TRAPPC8: variants seen among roughly 807,000 people sequenced by gnomAD.
TRAPPC8 encodes trafficking protein particle complex subunit 8.
A neutral mutation model predicts 174.3 loss-of-function variants in TRAPPC8; 54 were observed. That is an observed-to-expected ratio of 0.31 (90% confidence interval 0.25 to 0.39). TRAPPC8 has a LOEUF of 0.39. Ranked by LOEUF, TRAPPC8 falls within the 10% of genes least tolerant of loss-of-function variation. The pLI, the probability that TRAPPC8 is intolerant of heterozygous loss-of-function variation, is 1.00. For synonymous variants in TRAPPC8, 630 were observed against 579.9 expected (o/e 1.09, Z -1.24); for missense variants, 1,531 against 1,699.1 (o/e 0.90, Z 1.74).
At chr18:31,859,409 G>C (rs947688952) in intron 19 of TRAPPC8, among the ~76,000 whole-genome samples, 2 of 152,154 alleles carry the variant, frequency 1.3e-5, no homozygotes, top group Non-Finnish European at 2.9e-5. Context: ...AAATAAGCTA[G>C]ACATAGCATT....
intron 12 of TRAPPC8, among the ~76,000 whole-genome samples, chr18:31,881,186 C>G (rs1322487914): frequency 1.3e-5 from 2 of 151,776 alleles, no homozygotes; most frequent in African/African-American, 4.8e-5. Context: ...GAGTAGCCAA[C>G]AAAGTCCTAA....
chr18:31,851,031 AT>A (rs748692231), intron 24 of TRAPPC8, among the ~76,000 whole-genome samples: 10 of 152,352 alleles, frequency 6.6e-5, no homozygotes, highest in African/African-American at 9.6e-5. Context: ...ATATTTCTAA[AT>A]AGCTGTTTCC....
chr18:31,857,828 A>G lies in TRAPPC8; in HGVS notation c.2900T>C (p.Leu967Pro), dbSNP rs1449929122. 3 of 1,614,224 alleles carry G rather than the reference A, an allele frequency of 1.9e-6. No homozygotes were observed. Among genetic ancestry groups the G allele is most frequent in the East Asian group, 2.2e-5 (1 of 44,878 alleles). Residue 967 changes from leucine to proline, a missense_variant, in exon 20 of 29, where the codon CTA becomes CCA. Transcript: ENST00000283351. ...FFTFGGNTAVLTPLSPSASEN... is the reference protein window; with the variant it reads ...FFTFGGNTAVPTPLSPSASEN... Reference sequence around the variant, plus strand: ...AGAAGCTGAGGGACTTAGTGGTGTTAGAACAGCAGTATTACCACCGAAAGT... The same window carrying G: ...AGAAGCTGAGGGACTTAGTGGTGTTGGAACAGCAGTATTACCACCGAAAGT...
intron 18 of TRAPPC8, 146 bp from the exon 19 acceptor site, chr18:31,864,927 T>A: frequency 1.3e-6 from 1 of 754,050 alleles, no homozygotes; most frequent in Non-Finnish European, 2.1e-6. Flanking sequence ...TCAAAGAATT[T>A]AGTATATTTT....
chr18:31,930,803 G>A (rs895302485), intron 2 of TRAPPC8, among the ~76,000 whole-genome samples: 6 of 151,554 alleles, frequency 4.0e-5, no homozygotes, highest in Non-Finnish European at 7.4e-5. Flanking sequence ...AACACAGGAG[G>A]ATCACTTGAG....
chr18:31,928,290 G>T (rs964617193), intron 2 of TRAPPC8, among the ~76,000 whole-genome samples: 1 of 151,856 alleles, frequency 6.6e-6, no homozygotes. Context: ...CTTGAGGCCA[G>T]AAGTTCAACA....
intron 2 of TRAPPC8, among the ~76,000 whole-genome samples, chr18:31,930,994 A>C (rs1055365594): frequency 6.6e-6 from 1 of 152,210 alleles, no homozygotes; most frequent in Non-Finnish European, 1.5e-5. Flanking sequence ...CGCATTTTAT[A>C]AACATTTCCT....
At chr18:31,934,409 T>C (rs942710268) in intron 1 of TRAPPC8, among the ~76,000 whole-genome samples, 1 of 152,122 alleles carries the variant, frequency 6.6e-6, no homozygotes, top group Non-Finnish European at 1.5e-5. Flanking sequence ...ATTATCTGCA[T>C]TCTTCTATAA....
intron 5 of TRAPPC8, among the ~76,000 whole-genome samples, chr18:31,912,055 C>G (rs1305754853): frequency 6.6e-6 from 1 of 151,946 alleles, no homozygotes; most frequent in Non-Finnish European, 1.5e-5. Flanking sequence ...TATTCTAGAA[C>G]TCGAGGTTAA....
intron 1 of TRAPPC8, 25 bp from the exon 2 acceptor site, chr18:31,931,548 T>G (rs779398849): frequency 6.5e-7 from 1 of 1,527,176 alleles, no homozygotes; most frequent in Non-Finnish European, 8.8e-7. Flanking sequence ...AGAAAAAAAC[T>G]TGAAATTAAT....
intron 11 of TRAPPC8, among the ~76,000 whole-genome samples, chr18:31,892,840 C>T (rs2036013083): frequency 6.6e-6 from 1 of 151,696 alleles, no homozygotes; most frequent in East Asian, 2.0e-4. Flanking sequence ...GCCTGGGCAA[C>T]AAAAAGAGAC....
At chr18:31,848,601 C>CA (rs1040092167) in intron 25 of TRAPPC8, among the ~76,000 whole-genome samples, 1 of 151,876 alleles carries the variant, frequency 6.6e-6, no homozygotes, top group Non-Finnish European at 1.5e-5. Context: ...AGCTTGGTTT[C>CA]AAAAAAATGT....
In TRAPPC8 at chr18:31,855,837, T is replaced by C. The variant is rs779012548; in HGVS notation, c.3189-30A>G. 3 of 1,517,494 alleles carry C rather than the reference T, an allele frequency of 2.0e-6. No homozygotes were observed. The African/African-American group carries it at 4.5e-5, about 23-fold the overall frequency. 94.0% of individuals were successfully genotyped at this position (1,517,494 alleles called of 1,614,324 possible). ...AGTTAAAAAAAAAAAAAAAAGCACA[T>C]TTAAGCACAGAGTCTCTATGTTATA... On this transcript the variant is annotated intron_variant, in intron 20 of 28. Transcript: ENST00000283351.
rs1188057936 is a variant in TRAPPC8 at position 31,942,920 on chromosome 18, C to G, written c.-156G>C. 3.2e-6 allele frequency: 4 copies of G among 1,236,018 alleles called. No homozygotes were observed. The highest frequency in any genetic ancestry group is 3.1e-4 in the Middle Eastern group (1 of 3,238). The allele number at this position is 1,236,018 out of a possible 1,614,324, so 76.6% of individuals were successfully genotyped here. ...TAGAAACAAGAAGGAACAGACGCCGCCGCTTCGGTTTCTGGGGCACAATCC... is the reference window on the plus strand; with the variant it reads ...TAGAAACAAGAAGGAACAGACGCCGGCGCTTCGGTTTCTGGGGCACAATCC... On this transcript the variant is annotated 5_prime_UTR_variant, in exon 1 of 29. Transcript: ENST00000283351.
intron 5 of TRAPPC8, 100 bp from the exon 6 acceptor site, chr18:31,909,860 GC>G (rs1281468541): frequency 2.5e-5 from 19 of 769,678 alleles, no homozygotes; most frequent in Non-Finnish European, 3.6e-5. Flanking sequence ...CTAACTGTTG[GC>G]CTCATTTATT....
At chr18:31,872,809 A>G (rs1475638511) in intron 14 of TRAPPC8, among the ~76,000 whole-genome samples, 1 of 152,136 alleles carries the variant, frequency 6.6e-6, no homozygotes, top group Non-Finnish European at 1.5e-5. Context: ...ACTGAATAGA[A>G]TATTTTACTA....
Position 31,852,335 on chromosome 18 carries a change from T to TC in TRAPPC8, c.3561+110dup, listed in dbSNP as rs527743480. 581 of 1,186,710 alleles carry TC rather than the reference T, an allele frequency of 4.9e-4. 3 individuals are homozygous for TC. Among genetic ancestry groups the TC allele is most frequent in the African/African-American group, 4.7e-3 (308 of 64,920 alleles). The allele number at this position is 1,186,710 out of a possible 1,614,324, so 73.5% of individuals were successfully genotyped here. ...CTGGGAGACAGAGCAAGACCTTGTC[T>TC]CCCCCCCAAAAAAAAGCGTTTGGGA... On this transcript the variant is annotated intron_variant, in intron 24 of 28. Transcript: ENST00000283351.
In TRAPPC8 at chr18:31,908,777, T is replaced by C. The variant is rs1332880947; in HGVS notation, c.1099A>G (p.Thr367Ala). The C allele has an allele frequency of 1.4e-5, 23 of 1,605,134 alleles. No homozygotes were observed. Among genetic ancestry groups the C allele is most frequent in the East Asian group, 2.2e-5 (1 of 44,680 alleles). ...FRGLLPHIEK[T>A]IRQLNDQLIS... ...ACCTGATCGTTTAATTGCCTAATTG[T>C]TTTCTCTATATGTGGCAAAAGGCCC... Residue 367 changes from threonine to alanine, a missense_variant, in exon 7 of 29, where the codon ACA becomes GCA. Thr to Ala is a moderately conservative substitution (Grantham distance 58). Coordinates refer to ENST00000283351, the MANE Select transcript of TRAPPC8 (RefSeq NM_014939.5).
intron 8 of TRAPPC8, among the ~76,000 whole-genome samples, chr18:31,908,054 T>A (rs891274778): frequency 2.0e-5 from 3 of 152,232 alleles, no homozygotes; most frequent in Admixed American, 1.3e-4. Context: ...GAATACCTAG[T>A]CTAACTTCAT....
Sources: gnomAD v4.1 joint callset for allele counts (sites outside exome capture counted in the v4.1 genomes callset) on GRCh38, gnomAD v4.1.1 for gene constraint, MANE v1.5 for transcripts, NCBI Gene and HGNC (gene_info 2026-07-23, HGNC 2026-07-21) for gene names.